The following PKP4 variants were observed in gnomAD, a reference collection of about 807,000 sequenced individuals.
The protein encoded by PKP4 is plakophilin-4.
In PKP4, 90 loss-of-function variants were observed where a neutral mutation model predicts 145.1. That is an observed-to-expected ratio of 0.62 (90% CI 0.52 to 0.74). The LOEUF (loss-of-function observed/expected upper bound fraction) is 0.74, where lower values mean the gene tolerates loss of function less well. PKP4 is among the 30% of genes least tolerant of loss of function. The pLI, the probability that PKP4 is intolerant of heterozygous loss-of-function variation, is 0.00. For missense variants in PKP4, 1,340 were observed against 1,482.7 expected (o/e 0.90, Z 1.58); for synonymous variants, 563 against 577.2 (o/e 0.98, Z 0.35).
At chr2:158,623,666 G>A (rs533197268) in intron 6 of PKP4, among the ~76,000 whole-genome samples, 23 of 152,200 alleles carry the variant, frequency 1.5e-4, no homozygotes, top group African/African-American at 5.3e-4. Flanking sequence ...AGTTGCATGC[G>A]ACACCTGGAG....
intron 3 of PKP4, among the ~76,000 whole-genome samples, chr2:158,597,610 G>T (rs934864992): frequency 6.6e-6 from 1 of 152,100 alleles, no homozygotes; most frequent in African/African-American, 2.4e-5. Context: ...GCTATAGATG[G>T]TACATAGTCT....
intron 4 of PKP4, 143 bp downstream of exon 4, chr2:158,603,247 C>G (rs1378605007): frequency 4.7e-6 from 2 of 429,800 alleles, no homozygotes; most frequent in Non-Finnish European, 8.6e-6. Context: ...TGGAATAGTA[C>G]TTAATATGCT....
intron 1 of PKP4, among the ~76,000 whole-genome samples, chr2:158,477,434 G>A (rs1692659510): frequency 6.6e-6 from 1 of 152,136 alleles, no homozygotes; most frequent in African/African-American, 2.4e-5. Flanking sequence ...GTGTGCTTTT[G>A]ACAAATAAGA....
In PKP4 at chr2:158,523,992, A is replaced by G. The variant is rs1423031764; in HGVS notation, c.-5-9188A>G. Among the ~76,000 whole-genome samples, 13 of 68,248 alleles carry G rather than the reference A, an allele frequency of 1.9e-4. 3 individuals carry two copies. The highest frequency in any genetic ancestry group is 1.1e-3 in the Admixed American group (6 of 5,382). 44.8% of individuals were successfully genotyped at this position (68,248 alleles called of 152,430 possible). A position where few individuals can be genotyped will look rare whatever the true frequency, so the allele number is the denominator to read the frequency against. ...AAATATGGGACTATGTGAAAAGACC[A>G]TATCTACGTCTGATTGGTGTACCTG... On this transcript the variant is annotated intron_variant, in intron 1 of 21. Transcript: ENST00000389759.
At chr2:158,486,424 C>A (rs1178194175) in intron 1 of PKP4, among the ~76,000 whole-genome samples, 2 of 152,108 alleles carry the variant, frequency 1.3e-5, no homozygotes, top group Non-Finnish European at 2.9e-5. Context: ...AGTTTGGTAG[C>A]AGTATAGAAC....
chr2:158,662,204 G>A (rs2056658118), intron 13 of PKP4: 1 of 152,558 alleles, frequency 6.6e-6, no homozygotes, highest in South Asian at 2.1e-4. Flanking sequence ...TGGGAGAAGA[G>A]AGAGGAATGC....
intron 1 of PKP4, among the ~76,000 whole-genome samples, chr2:158,463,020 T>C (rs1171944318): frequency 2.0e-5 from 3 of 152,166 alleles, no homozygotes; most frequent in South Asian, 2.1e-4. Flanking sequence ...TCTGTGTGGG[T>C]TTTGTCAAAA....
At chr2:158,514,663 G>C (rs546135340) in intron 1 of PKP4, among the ~76,000 whole-genome samples, 2 of 151,986 alleles carry the variant, frequency 1.3e-5, no homozygotes, top group Admixed American at 6.6e-5. Flanking sequence ...AAATTAGCCC[G>C]GGTGTGGTGG....
chr2:158,466,702 T>G (rs932887336), intron 1 of PKP4, among the ~76,000 whole-genome samples: 2 of 152,134 alleles, frequency 1.3e-5, no homozygotes, highest in East Asian at 3.9e-4. Flanking sequence ...GAAACTCCAT[T>G]TCAAAAAGAA....
At chr2:158,514,813 C>A (rs1345614917) in intron 1 of PKP4, among the ~76,000 whole-genome samples, 2 of 152,054 alleles carry the variant, frequency 1.3e-5, no homozygotes, top group East Asian at 3.9e-4. Flanking sequence ...TGGTGTCATA[C>A]GTCTGTAATC....
rs535109799 is a variant in PKP4, at chr2:158,587,924, C to CT, written c.245+10552dup. On this transcript the variant is annotated intron_variant, in intron 3 of 21. Transcript: ENST00000389759. ...CCTGTGTAACCAATATTTTGTGTTG[C>CT]TTTTTTTTTTTACATCAAAGATTGT... 4.9e-4 allele frequency among the ~76,000 whole-genome samples: 71 copies of CT among 143,680 alleles called. 1 individual carries two copies. The highest frequency in any genetic ancestry group is 2.4e-3 in the East Asian group (12 of 5,022). 94.3% of individuals were successfully genotyped at this position (143,680 alleles called of 152,430 possible).
intron 3 of PKP4, chr2:158,578,396 T>C (rs2048043211): frequency 6.5e-6 from 1 of 154,894 alleles, no homozygotes; most frequent in Non-Finnish European, 1.5e-5. Flanking sequence ...TGTAATTATT[T>C]TATAAATATC....
At chr2:158,522,938 C>T (rs565406960) in intron 1 of PKP4, among the ~76,000 whole-genome samples, 15 of 152,278 alleles carry the variant, frequency 9.9e-5, no homozygotes, top group African/African-American at 3.4e-4. Flanking sequence ...TAAAAAACGG[C>T]GCACCACCAG....
chr2:158,615,597 A>G (rs760530679), intron 4 of PKP4, among the ~76,000 whole-genome samples: 124 of 152,114 alleles, frequency 8.2e-4, no homozygotes, highest in Non-Finnish European at 1.3e-3. Context: ...TTTTTGTAAA[A>G]TTTATTTTTA....
At chr2:158,510,644 C>T (rs2041417282) in intron 1 of PKP4, among the ~76,000 whole-genome samples, 1 of 152,134 alleles carries the variant, frequency 6.6e-6, no homozygotes, top group African/African-American at 2.4e-5. Context: ...TTGACACTTG[C>T]TTGTGGGCTT....
intron 2 of PKP4, among the ~76,000 whole-genome samples, chr2:158,545,096 T>C (rs986603270): frequency 2.7e-5 from 4 of 148,484 alleles, no homozygotes; most frequent in Non-Finnish European, 5.9e-5. Flanking sequence ...TTTTTTTTTT[T>C]TTTGAGCCAC....
intron 6 of PKP4, among the ~76,000 whole-genome samples, chr2:158,623,653 C>T (rs550892234): frequency 6.6e-6 from 1 of 152,296 alleles, no homozygotes; most frequent in East Asian, 1.9e-4. Flanking sequence ...TTTCAGCCAG[C>T]CCAGTTGCAT....
At position 158,666,564 on chromosome 2, in the gene PKP4, G is replaced by A; in HGVS notation, c.2728+1G>A. 1 of 1,601,722 alleles carries A rather than the reference G, an allele frequency of 6.2e-7. No homozygotes were observed. Among genetic ancestry groups the A allele is most frequent in the African/African-American group, 1.3e-5 (1 of 74,312 alleles). On this transcript the variant is annotated splice_donor_variant, in intron 16 of 21. Coordinates refer to ENST00000389759, the MANE Select transcript of PKP4 (RefSeq NM_003628.6). LOFTEE classifies it high-confidence loss of function. The stretch of plus-strand genomic sequence containing the variant: ...GATGTTCGCAACAAGGAGCTCATAG[G>A]TATGTTCTGGTGACAAGATGAGCTG...
chr2:158,609,637 T>C (rs3771643), intron 4 of PKP4, among the ~76,000 whole-genome samples: 78,093 of 152,064 alleles, frequency 0.51, 20,372 homozygotes, highest in South Asian at 0.68. Context: ...CGATCCCTGC[T>C]TACTCAGGTG....
Sources: gnomAD v4.1 joint callset for allele counts (sites outside exome capture counted in the v4.1 genomes callset) on GRCh38, gnomAD v4.1.1 for gene constraint, MANE v1.5 for transcripts, NCBI Gene and HGNC (gene_info 2026-07-23, HGNC 2026-07-21) for gene names.